FAT1: variants seen among roughly 807,000 people sequenced by gnomAD.
The protein encoded by FAT1 is FAT atypical cadherin 1.
Under a neutral mutation model 329.8 loss-of-function variants are expected in FAT1, and 171 were observed. That is an observed-to-expected ratio of 0.52 (90% CI 0.46 to 0.59). The LOEUF (loss-of-function observed/expected upper bound fraction) is 0.59, where lower values mean the gene tolerates loss of function less well. FAT1 is among the 20% of genes least tolerant of loss of function. FAT1 has a pLI of 0.00. For missense variants in FAT1, 5,672 were observed against 5,774.4 expected, an observed-to-expected ratio of 0.98 and a Z score of 0.57; for synonymous variants, 2,233 against 2,228.6, an observed-to-expected ratio of 1.00 and a Z score of -0.06.
In FAT1 at chr4:186,627,524, G is replaced by T. The variant is rs1305159792; in HGVS notation, c.4810+630C>A. Among the ~76,000 whole-genome samples, 5 of 151,956 alleles carry T rather than the reference G, an allele frequency of 3.3e-5. No individual in the cohort carries two copies. In the East Asian group the frequency reaches 9.7e-4, roughly 29 times the overall value. The stretch of plus-strand genomic sequence containing the variant: ...ACCGTCCAGGACCGCAGCTCCAGCT[G>T]TTTTTTTTGCTGCCCTTGCTGCCTC... On this transcript the variant is annotated intron_variant, in intron 9 of 26. Transcript: ENST00000441802.
intron 3 of FAT1, among the ~76,000 whole-genome samples, chr4:186,661,445 G>A (rs1350544665): frequency 6.6e-6 from 1 of 152,160 alleles, no homozygotes; most frequent in Non-Finnish European, 1.5e-5. Context: ...TCATGCCTAG[G>A]CAATGAAGTC....
At chr4:186,685,153 T>G (rs370281499) in intron 2 of FAT1, among the ~76,000 whole-genome samples, 1 of 152,096 alleles carries the variant, frequency 6.6e-6, no homozygotes, top group South Asian at 2.1e-4. Context: ...GGAAGGGCAC[T>G]CCAAGGGCAT....
intron 2 of FAT1, among the ~76,000 whole-genome samples, chr4:186,667,566 C>G (rs567951997): frequency 1.3e-5 from 2 of 152,182 alleles, no homozygotes; most frequent in Non-Finnish European, 2.9e-5. Context: ...TAAAAAATCA[C>G]TGAATACAAC....
In FAT1 at chr4:186,628,278, G is replaced by A. The variant is rs2126542572; in HGVS notation, c.4686C>T (p.Phe1562=). Residue 1562 remains phenylalanine, a synonymous_variant, in exon 9 of 27, where the codon TTC becomes TTT. Transcript: ENST00000441802. ...CCCGCCCTTTGTAGGAGGAAGCGGT[G>A]AACCACGGGGCGTGGTCATTCGTGT... ...VSDTNDHAPW[F]TASSYKGRVY... The A allele has an allele frequency of 6.2e-7, 1 of 1,613,794 alleles. No individual in the cohort carries two copies.
rs759264543 is a variant in FAT1, at chr4:186,609,954, T to C, written c.9915A>G (p.Val3305=). 124 of 1,613,416 alleles carry C rather than the reference T, an allele frequency of 7.7e-5. 2 individuals are homozygous for C. The South Asian group carries it at 1.4e-3, about 18-fold the overall frequency. ...YESSHEYYLT[V]EATDGGTPSL... ...AAGGCGTGCCTCCATCAGTGGCCTC[T>C]ACTGTTAGGTAATACTCATGAGAGC... Residue 3305 remains valine (V), a synonymous_variant, in exon 15 of 27, where the codon GTA becomes GTG. Transcript: ENST00000441802.
rs1420920487 is a variant in FAT1, at chr4:186,708,373, C to T, written c.1455G>A (p.Leu485=). ...NVPIGTTVMS[L]SAVDPDEGEN... is the part of the protein sequence containing the mutation. Reference sequence around the variant, plus strand: ...CACCCTCATCAGGGTCTACGGCACTCAGGCTCATGACAGTAGTACCAATGG... The same window carrying T: ...CACCCTCATCAGGGTCTACGGCACTTAGGCTCATGACAGTAGTACCAATGG... The change falls in exon 2 of 27, where the codon CTG becomes CTA. Residue 485 remains leucine (L), a synonymous_variant. Transcript: ENST00000441802. The T allele has an allele frequency of 3.1e-6, 5 of 1,613,982 alleles. No homozygotes were observed. Among genetic ancestry groups the T allele is most frequent in the Non-Finnish European group, 4.2e-6 (5 of 1,179,874 alleles).
chr4:186,588,759 T>C lies in FAT1; in HGVS notation c.13600A>G (p.Ser4534Gly), dbSNP rs2126349492. Residue 4534 changes from serine to glycine, a missense_variant, in exon 27 of 27, where the codon AGC becomes GGC. Around this residue, in one of 2 missense-constraint regions of FAT1, gnomAD observed 1,706 missense variants for 1,859.1 expected, o/e 0.92. Transcript: ENST00000441802. ...GAGGCGTACACAGACATGGGCATGC[T>C]CTCGACAGCGGGCGCCTCGAAGTGT... ...QRHFEAPAVE[S>G]MPMSVYASTA... The C allele has an allele frequency of 1.2e-6, 2 of 1,613,932 alleles. No homozygotes were observed. Among genetic ancestry groups the C allele is most frequent in the Admixed American group, 1.7e-5 (1 of 60,024 alleles).
Position 186,609,318 on chromosome 4 carries a change from A to G in FAT1, c.10071T>C (p.Val3357=), listed in dbSNP as rs764570026. Reference sequence around the variant, plus strand: ...AAGGTCCATCGGCATCATCGGCCATAACCTAGAACACACCACACTCCTGTT... The same window carrying G: ...AAGGTCCATCGGCATCATCGGCCATGACCTAGAACACACCACACTCCTGTT... ...DAVLEQSVIT[V]MADDADGPSN... is the part of the protein sequence containing the mutation. Residue 3357 remains valine, a splice_region_variant and synonymous_variant, in exon 16 of 27, where the codon GTT becomes GTC. Coordinates refer to ENST00000441802, the MANE Select transcript of FAT1 (RefSeq NM_005245.4). 1 of 1,613,786 alleles carries G rather than the reference A, an allele frequency of 6.2e-7. No individual in the cohort carries two copies. Among genetic ancestry groups the G allele is most frequent in the Admixed American group, 1.7e-5 (1 of 59,964 alleles).
chr4:186,710,148 C>T (rs895048840), intron 1 of FAT1, among the ~76,000 whole-genome samples: 5 of 152,212 alleles, frequency 3.3e-5, no homozygotes, highest in Non-Finnish European at 5.9e-5. Flanking sequence ...ACTGTAACAA[C>T]TAAGTTATAT....
At chr4:186,655,953 C>A (rs1298896364) in intron 3 of FAT1, among the ~76,000 whole-genome samples, 1 of 152,222 alleles carries the variant, frequency 6.6e-6, no homozygotes, top group Non-Finnish European at 1.5e-5. Context: ...CCGCCAGTAC[C>A]TGAAAGTACC....
intron 2 of FAT1, among the ~76,000 whole-genome samples, chr4:186,681,918 C>T (rs1020603153): frequency 2.0e-5 from 3 of 152,178 alleles, no homozygotes; most frequent in South Asian, 4.1e-4. Context: ...CACTTATTTT[C>T]GTTACATTTT....
chr4:186,714,647 C>A (rs886906184), intron 1 of FAT1, among the ~76,000 whole-genome samples: 14 of 152,064 alleles, frequency 9.2e-5, no homozygotes, highest in African/African-American at 1.7e-4. Context: ...AAACGGGAGG[C>A]CCTGACAGGG....
rs374566810 is a variant in FAT1, at chr4:186,618,374, C to A, written c.8212G>T (p.Val2738Phe). The stretch of plus-strand genomic sequence containing the variant: ...TTGCTTTCTGGAGTATTCCCTTTGA[C>A]CAGGCTGTAAAGAACAGTCCCACTA... The part of the protein sequence containing the change: ...EHSGTVLYSL[V>F]KGNTPESNRD... The change falls in exon 10 of 27, where the codon GTC becomes TTC. Residue 2738 changes from valine to phenylalanine, a missense_variant. By Grantham distance (50) the Val-to-Phe change is conservative. Coordinates refer to ENST00000441802, the MANE Select transcript of FAT1 (RefSeq NM_005245.4). 1 of 1,613,890 alleles carries A rather than the reference C, an allele frequency of 6.2e-7. No homozygotes were observed. Among genetic ancestry groups the A allele is most frequent in the Non-Finnish European group, 8.5e-7 (1 of 1,179,906 alleles).
rs756036207 is a variant in FAT1 at position 186,611,367 on chromosome 4, CAGAT to C, written c.9853+15_9853+18del. ...CTTGGTGGAATGAAGGGTTTCCTCT[CAGAT>C]ACATGGTAGGTTACCTGTTTTAGAA... is the stretch of plus-strand genomic sequence containing the variant. On this transcript the variant is annotated intron_variant, in intron 14 of 26. Transcript: ENST00000441802. 25 of 1,580,882 alleles carry C rather than the reference CAGAT, an allele frequency of 1.6e-5. No individual in the cohort carries two copies. Among genetic ancestry groups the C allele is most frequent in the Non-Finnish European group, 2.1e-5 (25 of 1,163,294 alleles).
rs182506021 is a variant in FAT1, at chr4:186,625,782, T to C, written c.4810+2372A>G. Among the ~76,000 whole-genome samples the C allele has an allele frequency of 4.3e-4, 65 of 152,380 alleles. 1 individual carries two copies. The highest frequency in any genetic ancestry group is 1.5e-3 in the African/African-American group (61 of 41,596). On this transcript the variant is annotated intron_variant, in intron 9 of 26. Coordinates refer to ENST00000441802, the MANE Select transcript of FAT1 (RefSeq NM_005245.4). ...AGGAACATCCTAAAGCAACGTGACT[T>C]CTGATTGTACAGACTGTATGCTCTA...
intron 3 of FAT1, among the ~76,000 whole-genome samples, chr4:186,656,059 G>A (rs1292220780): frequency 1.3e-5 from 2 of 152,254 alleles, no homozygotes; most frequent in Non-Finnish European, 2.9e-5. Context: ...ACGGGACCAT[G>A]CCAGGGTTGG....
intron 1 of FAT1, among the ~76,000 whole-genome samples, chr4:186,714,191 A>G (rs192934688): frequency 8.5e-5 from 13 of 152,292 alleles, no homozygotes; most frequent in African/African-American, 3.1e-4. Context: ...CTGCAGCCAC[A>G]ACACAGGTGG....
Position 186,618,669 on chromosome 4 carries a change from A to C in FAT1, c.7917T>G (p.Ser2639=). Residue 2639 remains serine (S), a synonymous_variant, in exon 10 of 27, where the codon TCT becomes TCG. Coordinates refer to ENST00000441802, the MANE Select transcript of FAT1 (RefSeq NM_005245.4). ...TTTCCAAATTCTCTTTTACACTTTC[A>C]GAGTCTGCTTCAATGGCATAGGTGA... ...ADITYAIEAD[S]ESVKENLEIN... 6.2e-7 allele frequency: 1 copy of C among 1,614,034 alleles called. No homozygotes were observed. Among genetic ancestry groups the C allele is most frequent in the Non-Finnish European group, 8.5e-7 (1 of 1,179,892 alleles).
chr4:186,607,791 G>T (rs1335476841), intron 16 of FAT1, among the ~76,000 whole-genome samples: 3 of 151,566 alleles, frequency 2.0e-5, no homozygotes, highest in Non-Finnish European at 4.4e-5. Context: ...GGATAAATGG[G>T]TGGATGGATA....
Sources: gnomAD v4.1 joint callset for allele counts (sites outside exome capture counted in the v4.1 genomes callset) on GRCh38, gnomAD v4.1.1 for gene constraint, gnomAD v4.1.1 regional missense constraint, MANE v1.5 for transcripts, NCBI Gene and HGNC (gene_info 2026-07-23, HGNC 2026-07-21) for gene names.